RALGAPA2: variants seen among roughly 807,000 people sequenced by gnomAD.
RALGAPA2 encodes Ral GTPase activating protein catalytic subunit alpha 2, also known as ral GTPase-activating protein subunit alpha-2.
Under a neutral mutation model 230.4 loss-of-function variants are expected in RALGAPA2, and 139 were observed. That is an observed-to-expected ratio of 0.60 (90% CI 0.53 to 0.69). The LOEUF (loss-of-function observed/expected upper bound fraction) is 0.69, where lower values mean the gene tolerates loss of function less well. Among genes scored for constraint, RALGAPA2 ranks in the 30% least tolerant of loss-of-function variants. The pLI, the probability that RALGAPA2 is intolerant of heterozygous loss-of-function variation, is 0.00. For synonymous variants in RALGAPA2, 847 were observed against 837.8 expected, an observed-to-expected ratio of 1.01 and a Z score of -0.19; for missense variants, 2,163 against 2,276.0, an observed-to-expected ratio of 0.95 and a Z score of 1.01.
chr20:20,567,915 TAAAA>T (rs2064496029), intron 23 of RALGAPA2, among the ~76,000 whole-genome samples: 1 of 129,778 alleles, frequency 7.7e-6, no homozygotes, highest in Non-Finnish European at 1.6e-5. Context: ...TAAAATAAAA[TAAAA>T]TAGGCCATGG....
At chr20:20,465,389 A>C (rs2061399229) in intron 37 of RALGAPA2, among the ~76,000 whole-genome samples, 1 of 152,168 alleles carries the variant, frequency 6.6e-6, no homozygotes, top group Non-Finnish European at 1.5e-5. Flanking sequence ...GGCAGTGTGA[A>C]GGGTGGGGTA....
intron 3 of RALGAPA2, among the ~76,000 whole-genome samples, chr20:20,672,577 G>A (rs2068173938): frequency 6.6e-6 from 1 of 152,086 alleles, no homozygotes; most frequent in Non-Finnish European, 1.5e-5. Flanking sequence ...CCAAACGAAG[G>A]GAGTTAGTGA....
At chr20:20,479,774 A>G (rs1400065229) in intron 36 of RALGAPA2, among the ~76,000 whole-genome samples, 1 of 152,210 alleles carries the variant, frequency 6.6e-6, no homozygotes, top group Non-Finnish European at 1.5e-5. Context: ...ATCCTTGCCA[A>G]TACAGTAATG....
intron 10 of RALGAPA2, among the ~76,000 whole-genome samples, chr20:20,622,205 G>A (rs1246210295): frequency 6.6e-6 from 1 of 151,892 alleles, no homozygotes; most frequent in Non-Finnish European, 1.5e-5. Context: ...AATCAGAAGA[G>A]AGGATAAGAA....
intron 1 of RALGAPA2, among the ~76,000 whole-genome samples, chr20:20,704,835 C>T (rs2069530798): frequency 6.6e-6 from 1 of 152,220 alleles, no homozygotes; most frequent in Non-Finnish European, 1.5e-5. Flanking sequence ...GTGCACTTAA[C>T]TCCATGGTGC....
At chr20:20,620,084 C>T (rs1170409735) in intron 11 of RALGAPA2, among the ~76,000 whole-genome samples, 1 of 152,214 alleles carries the variant, frequency 6.6e-6, no homozygotes, top group Non-Finnish European at 1.5e-5. Context: ...AAAGTCTACC[C>T]AAACATTCTC....
chr20:20,429,302 C>T (rs2060453951), intron 37 of RALGAPA2, among the ~76,000 whole-genome samples: 3 of 152,222 alleles, frequency 2.0e-5, no homozygotes, highest in South Asian at 2.1e-4. Flanking sequence ...ATTTAAGATG[C>T]TTGCAATGTT....
intron 37 of RALGAPA2, among the ~76,000 whole-genome samples, chr20:20,414,432 G>T (rs2060125897): frequency 6.6e-6 from 1 of 152,176 alleles, no homozygotes; most frequent in African/African-American, 2.4e-5. Context: ...CTCTGCGGAA[G>T]CCACGTATCT....
At chr20:20,427,263 GT>G (rs1399231248) in intron 37 of RALGAPA2, among the ~76,000 whole-genome samples, 2 of 152,136 alleles carry the variant, frequency 1.3e-5, no homozygotes, top group Non-Finnish European at 2.9e-5. Context: ...AACTTACTGT[GT>G]TTTCTCCTGC....
At chr20:20,577,433 G>A (rs1211254504) in intron 20 of RALGAPA2, among the ~76,000 whole-genome samples, 1 of 152,122 alleles carries the variant, frequency 6.6e-6, no homozygotes, top group Admixed American at 6.6e-5. Flanking sequence ...TTCCTTCTTA[G>A]AGGAAAACAC....
chr20:20,394,344 C>A (rs2328510), intron 39 of RALGAPA2, among the ~76,000 whole-genome samples: 99,122 of 151,854 alleles, frequency 0.65, 32,467 homozygotes, highest in East Asian at 0.85. Flanking sequence ...TAGGCTCAGT[C>A]AGGTCGGGCA....
At chr20:20,571,085 A>G (rs1381789402) in intron 23 of RALGAPA2, among the ~76,000 whole-genome samples, 1 of 152,228 alleles carries the variant, frequency 6.6e-6, no homozygotes, top group African/African-American at 2.4e-5. Flanking sequence ...CTAAAACAAC[A>G]ATTTTCAAAC....
rs16981919 is a variant in RALGAPA2 at position 20,438,861 on chromosome 20, G to A, written c.5496-26713C>T. 8.0e-3 allele frequency among the ~76,000 whole-genome samples: 1,219 copies of A among 152,196 alleles called. 13 individuals are homozygous for A. Among genetic ancestry groups the A allele is most frequent in the African/African-American group, 0.028 (1,155 of 41,510 alleles). ...AGAGTACTTATTTATGCAAAATGGA[G>A]GCTGAGAAATAAATCCTTTAGAAAA... On this transcript the variant is annotated intron_variant, in intron 37 of 39. Transcript: ENST00000202677.
At chr20:20,600,287 C>T (rs2065598758) in intron 16 of RALGAPA2, among the ~76,000 whole-genome samples, 1 of 152,116 alleles carries the variant, frequency 6.6e-6, no homozygotes, top group Non-Finnish European at 1.5e-5. Flanking sequence ...CAGCATGAGA[C>T]TCCGACTCAA....
At position 20,573,084 on chromosome 20, in the gene RALGAPA2, T is replaced by C. The variant is rs1264659558; in HGVS notation, c.2708-16A>G. ...TCGCTGCTATCTATGCAGAAAAACA[T>C]GTCTGTTAACCCTGTAAACAATCTT... On this transcript the variant is annotated splice_polypyrimidine_tract_variant and intron_variant, in intron 20 of 39. Transcript: ENST00000202677. 2 of 1,587,564 alleles carry C rather than the reference T, an allele frequency of 1.3e-6. No homozygotes were observed. Among genetic ancestry groups the C allele is most frequent in the Middle Eastern group, 1.7e-4 (1 of 5,992 alleles).
intron 2 of RALGAPA2, among the ~76,000 whole-genome samples, chr20:20,677,424 G>A (rs892967095): frequency 2.0e-5 from 3 of 152,062 alleles, no homozygotes; most frequent in African/African-American, 7.2e-5. Flanking sequence ...TGCAAAGTCC[G>A]TGTAGCTCAA....
At chr20:20,711,560 T>A (rs574894547) in intron 1 of RALGAPA2, among the ~76,000 whole-genome samples, 1 of 152,180 alleles carries the variant, frequency 6.6e-6, no homozygotes, top group Non-Finnish European at 1.5e-5. Flanking sequence ...TGTGGACACC[T>A]CACACCCACA....
intron 24 of RALGAPA2, among the ~76,000 whole-genome samples, chr20:20,545,721 A>C (rs920521228): frequency 3.9e-5 from 6 of 152,348 alleles, no homozygotes; most frequent in African/African-American, 1.4e-4. Flanking sequence ...CACAAATGGA[A>C]AAGGCCCTTT....
At chr20:20,628,195 A>AT (rs34603964) in intron 10 of RALGAPA2, among the ~76,000 whole-genome samples, 7 of 152,264 alleles carry the variant, frequency 4.6e-5, no homozygotes, top group African/African-American at 1.7e-4. Flanking sequence ...TTTTTGGTTG[A>AT]TTTTTTGTAA....
Sources: allele counts gnomAD v4.1 joint callset (sites outside exome capture counted in the v4.1 genomes callset), GRCh38; gene constraint gnomAD v4.1.1; transcripts MANE v1.5; gene names NCBI Gene and HGNC (gene_info 2026-07-23, HGNC 2026-07-21).